The following CDH4 variants were observed in gnomAD, a reference collection of about 807,000 sequenced individuals.
CDH4 encodes the protein cadherin 4.
In CDH4, 33 loss-of-function variants were observed where a neutral mutation model predicts 86.0. The ratio of observed to expected loss-of-function variants is 0.38; its 90% CI spans 0.29 to 0.51. The LOEUF is 0.51. CDH4 is among the 20% of genes least tolerant of loss of function. CDH4 has a pLI of 0.86. For missense variants in CDH4, 1,114 were observed against 1,307.4 expected, an observed-to-expected ratio of 0.85 and a Z score of 2.28; for synonymous variants, 555 against 549.4, an observed-to-expected ratio of 1.01 and a Z score of -0.14.
chr20:61,787,104 A>G (rs1002327568), intron 4 of CDH4, among the ~76,000 whole-genome samples: 7 of 74,792 alleles, frequency 9.4e-5, no homozygotes, highest in African/African-American at 1.9e-4. Flanking sequence ...TCCATCATCC[A>G]TCCATCCATC....
chr20:61,569,699 G>A (rs1174063540), intron 2 of CDH4, among the ~76,000 whole-genome samples: 1 of 151,410 alleles, frequency 6.6e-6, no homozygotes, highest in East Asian at 1.9e-4. Flanking sequence ...TTTTGAGGCG[G>A]CGACCTCCCG....
At chr20:61,735,749 C>T (rs1463420431) in intron 2 of CDH4, among the ~76,000 whole-genome samples, 1 of 152,194 alleles carries the variant, frequency 6.6e-6, no homozygotes, top group Non-Finnish European at 1.5e-5. Flanking sequence ...CCCTGACATT[C>T]CTCTCTTCTT....
rs147091758 is a variant in CDH4, at chr20:61,883,746, C to T, written c.1050+9846C>T. ...AGAGGCCCCAGGGAGGAGCCCCCAG[C>T]GCCTGCTGGACTGACGGGACCTCCC... On this transcript the variant is annotated intron_variant, in intron 7 of 15. Coordinates refer to ENST00000614565, the MANE Select transcript of CDH4 (RefSeq NM_001794.5). 7.2e-4 allele frequency among the ~76,000 whole-genome samples: 110 copies of T among 152,276 alleles called. 1 individual carries two copies. The East Asian group carries it at 0.017, about 23-fold the overall frequency.
chr20:61,335,963 T>C (rs1568803152), intron 2 of CDH4, among the ~76,000 whole-genome samples: 2 of 152,160 alleles, frequency 1.3e-5, no homozygotes, highest in Non-Finnish European at 2.9e-5. Context: ...ATGATGAAAG[T>C]AGAAACGCGG....
At chr20:61,313,914 T>C (rs2084462128) in intron 2 of CDH4, among the ~76,000 whole-genome samples, 1 of 152,146 alleles carries the variant, frequency 6.6e-6, no homozygotes. Context: ...TTTTTGTTTT[T>C]TGTAGAGATG....
intron 2 of CDH4, among the ~76,000 whole-genome samples, chr20:61,566,184 C>A (rs2145699227): frequency 6.6e-6 from 1 of 152,318 alleles, no homozygotes; most frequent in Non-Finnish European, 1.5e-5. Flanking sequence ...GGCTTCCTGC[C>A]CTTGCCGGGC....
At chr20:61,691,631 C>T (rs897794202) in intron 2 of CDH4, among the ~76,000 whole-genome samples, 10 of 152,240 alleles carry the variant, frequency 6.6e-5, no homozygotes, top group Non-Finnish European at 4.4e-5. Context: ...CAGCCTTCTG[C>T]ACCCCTCGGC....
At chr20:61,394,076 T>C (rs2085001976) in intron 2 of CDH4, among the ~76,000 whole-genome samples, 1 of 152,182 alleles carries the variant, frequency 6.6e-6, no homozygotes, top group Non-Finnish European at 1.5e-5. Flanking sequence ...TGTTTTGAAA[T>C]GTGAGAGCAG....
At chr20:61,817,286 C>G (rs1980767378) in intron 4 of CDH4, among the ~76,000 whole-genome samples, 1 of 152,134 alleles carries the variant, frequency 6.6e-6, no homozygotes, top group African/African-American at 2.4e-5. Context: ...CCGGGCCCAG[C>G]CCCGCTAGGT....
intron 2 of CDH4, among the ~76,000 whole-genome samples, chr20:61,546,972 A>G (rs2086091992): frequency 6.6e-6 from 1 of 152,078 alleles, no homozygotes; most frequent in Non-Finnish European, 1.5e-5. Flanking sequence ...CAGAAAGCAG[A>G]CAGCAGTGAT....
chr20:61,744,976 C>T (rs1355195865), intron 3 of CDH4, among the ~76,000 whole-genome samples: 2 of 152,216 alleles, frequency 1.3e-5, no homozygotes, highest in Non-Finnish European at 2.9e-5. Context: ...GGCCAGCCTG[C>T]AGGTCCAGCT....
chr20:61,440,429 G>A (rs980866435), intron 2 of CDH4, among the ~76,000 whole-genome samples: 4 of 152,188 alleles, frequency 2.6e-5, no homozygotes, highest in African/African-American at 7.2e-5. Flanking sequence ...CAAGTAGGAC[G>A]CAGTCACTGC....
At chr20:61,423,775 C>T (rs557042507) in intron 2 of CDH4, among the ~76,000 whole-genome samples, 1 of 152,284 alleles carries the variant, frequency 6.6e-6, no homozygotes, top group South Asian at 2.1e-4. Context: ...TCTTGCCTCT[C>T]TCAGCATCCG....
At chr20:61,704,218 T>G (rs575675988) in intron 2 of CDH4, among the ~76,000 whole-genome samples, 16 of 152,152 alleles carry the variant, frequency 1.1e-4, no homozygotes, top group African/African-American at 3.9e-4. Flanking sequence ...CTCTGTGTTG[T>G]CTCAAGGTGC....
At position 61,505,725 on chromosome 20, in the gene CDH4, C is replaced by T. The variant is rs181041289; in HGVS notation, c.170-237838C>T. Among the ~76,000 whole-genome samples, 386 of 145,642 alleles carry T rather than the reference C, an allele frequency of 2.7e-3. 23 individuals are homozygous for T. Among genetic ancestry groups the T allele is most frequent in the Non-Finnish European group, 1.2e-3 (75 of 63,602 alleles). ...GCCACAGTCGCTCACTGCAAGTTGG[C>T]GGGAAAAAAGAATTGGCACATGAGA... is the stretch of plus-strand genomic sequence containing the variant. On this transcript the variant is annotated intron_variant, in intron 2 of 15. Transcript: ENST00000614565.
intron 2 of CDH4, among the ~76,000 whole-genome samples, chr20:61,436,871 A>G (rs2085285912): frequency 3.9e-5 from 6 of 152,152 alleles, no homozygotes; most frequent in South Asian, 2.1e-4. Context: ...AGACACTCCA[A>G]TCTCTCAGGA....
chr20:61,463,538 C>T (rs1446397736), intron 2 of CDH4, among the ~76,000 whole-genome samples: 1 of 152,190 alleles, frequency 6.6e-6, no homozygotes. Flanking sequence ...TCCACTGCAC[C>T]ATTGTGCAGG....
chr20:61,725,217 C>T (rs1406813459), intron 2 of CDH4, among the ~76,000 whole-genome samples: 1 of 152,224 alleles, frequency 6.6e-6, no homozygotes, highest in Non-Finnish European at 1.5e-5. Flanking sequence ...CCCATTCCTC[C>T]TGCTTCAGGG....
intron 2 of CDH4, among the ~76,000 whole-genome samples, chr20:61,680,720 C>T (rs531696577): frequency 1.1e-4 from 16 of 152,134 alleles, no homozygotes; most frequent in East Asian, 3.9e-4. Context: ...TTTCTGGGAT[C>T]GTGGTAGTTG....
Sources: gnomAD v4.1 joint callset for allele counts (sites outside exome capture counted in the v4.1 genomes callset) on GRCh38, gnomAD v4.1.1 for gene constraint, MANE v1.5 for transcripts, NCBI Gene and HGNC (gene_info 2026-07-23, HGNC 2026-07-21) for gene names.